UHRF1: variants seen among roughly 807,000 people sequenced by gnomAD.
UHRF1 encodes ubiquitin like with PHD and ring finger domains 1, also known as E3 ubiquitin-protein ligase UHRF1.
A neutral mutation model predicts 96.5 loss-of-function variants in UHRF1; 9 were observed. The observed-to-expected ratio is 0.09, with a 90% confidence interval of 0.06 to 0.16. The LOEUF is 0.16. UHRF1 is among the 10% of genes least tolerant of loss of function. The pLI is 1.00. For missense variants in UHRF1, 626 were observed against 1,131.1 expected, an observed-to-expected ratio of 0.55 and a Z score of 6.40; for synonymous variants, 455 against 469.9, an observed-to-expected ratio of 0.97 and a Z score of 0.41.
intron 16 of UHRF1, among the ~76,000 whole-genome samples, chr19:4,958,710 G>A (rs2033918232): frequency 6.6e-6 from 1 of 152,136 alleles, no homozygotes; most frequent in African/African-American, 2.4e-5. Context: ...GGTGGCTAAT[G>A]CCTGTAATCC....
At chr19:4,909,222 G>A (rs76049466), upstream of UHRF1, 1,762 of 494,618 alleles carry the variant, frequency 3.6e-3, 25 homozygotes, top group African/African-American at 0.031. Context: ...TCTGTACCCT[G>A]GGGGTCCCCA....
At chr19:4,942,638 G>A (rs1336661038) in intron 7 of UHRF1, among the ~76,000 whole-genome samples, 1 of 151,980 alleles carries the variant, frequency 6.6e-6, no homozygotes, top group African/African-American at 2.4e-5. Context: ...TAGTAGAGAC[G>A]GGGTTTCACC....
chr19:4,925,985 C>T (rs1321247289), intron 2 of UHRF1, among the ~76,000 whole-genome samples: 2 of 151,870 alleles, frequency 1.3e-5, no homozygotes, highest in Non-Finnish European at 2.9e-5. Flanking sequence ...GCAACTTCTA[C>T]CTCCCAGGTT....
At position 4,932,459 on chromosome 19, in the gene UHRF1, G is replaced by C. The variant is rs1355209234; in HGVS notation, c.570-282G>C. 2.0e-5 allele frequency among the ~76,000 whole-genome samples: 3 copies of C among 152,320 alleles called. No individual in the cohort carries two copies. The East Asian group carries it at 5.8e-4, about 29-fold the overall frequency. On this transcript the variant is annotated intron_variant, in intron 4 of 16. Transcript: ENST00000650932. ...TCTTAATATGATTTCATCTGCAAAG[G>C]TTCTATCTACAAAGACCCTGTTTCC... is the stretch of plus-strand genomic sequence containing the variant.
At chr19:4,915,078 T>A (rs1265448970) in intron 2 of UHRF1, among the ~76,000 whole-genome samples, 1 of 152,196 alleles carries the variant, frequency 6.6e-6, no homozygotes, top group East Asian at 1.9e-4. Context: ...ACCACAAATA[T>A]TCCCAGAGAC....
At position 4,911,042 on chromosome 19, in the gene UHRF1, C is replaced by T. The variant is rs2032249496; in HGVS notation, c.153+4C>T. 6.3e-7 allele frequency: 1 copy of T among 1,577,442 alleles called. No homozygotes were observed. The highest frequency in any genetic ancestry group is 8.6e-7 in the Non-Finnish European group (1 of 1,158,306). On this transcript the variant is annotated splice_donor_region_variant and intron_variant, in intron 2 of 16. Transcript: ENST00000650932. Reference sequence around the variant, plus strand: ...GCTGTTCTACAGGGGCAAACAGGTACACCCGCCGCCAGCACCTTTGTTCTA... The same window carrying T: ...GCTGTTCTACAGGGGCAAACAGGTATACCCGCCGCCAGCACCTTTGTTCTA...
At position 4,954,261 on chromosome 19, in the gene UHRF1, C is replaced by T; in HGVS notation, c.1819-89C>T. The T allele has an allele frequency of 6.5e-7, 1 of 1,543,390 alleles. No homozygotes were observed. The highest frequency in any genetic ancestry group is 8.8e-7 in the Non-Finnish European group (1 of 1,141,632). On this transcript the variant is annotated intron_variant, in intron 13 of 16. Coordinates refer to ENST00000650932, the MANE Select transcript of UHRF1 (RefSeq NM_001048201.3). This position sits in a 1 kb window ranked among gnomAD's most constrained non-coding sequence, Gnocchi z 5.9. ...TTGGGGGTCAGGTGTGTCTGGAAAC[C>T]CAGACCTGGCAAGGAGGCTGGAAGA...
upstream of UHRF1, among the ~76,000 whole-genome samples, chr19:4,908,001 C>A (rs182940852): frequency 6.6e-6 from 1 of 152,106 alleles, no homozygotes; most frequent in East Asian, 1.9e-4. Flanking sequence ...TGTGAGCCAA[C>A]GCGCCCGGCC....
chr19:4,947,660 C>G (rs1262831368), intron 11 of UHRF1, among the ~76,000 whole-genome samples: 1 of 151,848 alleles, frequency 6.6e-6, no homozygotes, highest in Non-Finnish European at 1.5e-5. Flanking sequence ...GCCACCTCGC[C>G]TGGCTAATTT....
chr19:4,956,453 T>C (rs1032859766), intron 15 of UHRF1, among the ~76,000 whole-genome samples: 2 of 152,234 alleles, frequency 1.3e-5, no homozygotes, highest in African/African-American at 2.4e-5. Context: ...CCCAGCATCA[T>C]TGAGGCTGGC....
intron 16 of UHRF1, among the ~76,000 whole-genome samples, chr19:4,959,024 C>A (rs1485771105): frequency 6.6e-6 from 1 of 151,156 alleles, no homozygotes; most frequent in African/African-American, 2.4e-5. Context: ...GTCGCCCAGG[C>A]TGGAGTGCAG....
At chr19:4,938,668 C>T (rs547666066) in intron 5 of UHRF1, among the ~76,000 whole-genome samples, 3 of 145,432 alleles carry the variant, frequency 2.1e-5, no homozygotes, top group Non-Finnish European at 3.0e-5. Flanking sequence ...CTCGGCCTCT[C>T]AAAGTGCTGG....
chr19:4,936,579 G>T (rs934270263), intron 5 of UHRF1, among the ~76,000 whole-genome samples: 4 of 152,142 alleles, frequency 2.6e-5, no homozygotes, highest in Non-Finnish European at 4.4e-5. Context: ...TCTGCAGTGT[G>T]GGGGGTCAAT....
chr19:4,915,665 C>G (rs1219676141), intron 2 of UHRF1, among the ~76,000 whole-genome samples: 2 of 152,054 alleles, frequency 1.3e-5, no homozygotes, highest in South Asian at 2.1e-4. Context: ...AGCTGAGATC[C>G]CACCACTGCA....
intron 16 of UHRF1, among the ~76,000 whole-genome samples, chr19:4,960,275 T>A (rs770496513): frequency 1.3e-5 from 2 of 152,158 alleles, no homozygotes; most frequent in African/African-American, 2.4e-5. Context: ...TAATAATATA[T>A]AACACGGCTC....
chr19:4,936,981 A>G (rs532768782), intron 5 of UHRF1, among the ~76,000 whole-genome samples: 2 of 152,206 alleles, frequency 1.3e-5, no homozygotes, highest in African/African-American at 4.8e-5. Flanking sequence ...TACCCCTTTT[A>G]TAGCCAAACC....
At chr19:4,942,525 T>A (rs1385973366) in intron 7 of UHRF1, among the ~76,000 whole-genome samples, 2 of 152,036 alleles carry the variant, frequency 1.3e-5, no homozygotes, top group Non-Finnish European at 2.9e-5. Flanking sequence ...CTTGGCTCAC[T>A]GCAACCTCTG....
intron 13 of UHRF1, among the ~76,000 whole-genome samples, chr19:4,952,603 G>A (rs1015929167): frequency 1.3e-5 from 2 of 151,366 alleles, no homozygotes; most frequent in Non-Finnish European, 1.5e-5. Flanking sequence ...ATGTTGGCCA[G>A]GCTGGTGACC....
At chr19:4,907,714 T>G (rs1474637756), upstream of UHRF1, among the ~76,000 whole-genome samples, 1 of 144,360 alleles carries the variant, frequency 6.9e-6, no homozygotes, top group African/African-American at 2.6e-5. Context: ...CTTTTTTTTT[T>G]TTTTTTTTTT....
Sources: allele counts gnomAD v4.1 joint callset (sites outside exome capture counted in the v4.1 genomes callset), GRCh38; gene constraint gnomAD v4.1.1; non-coding constraint Gnocchi (gnomAD v3.1); transcripts MANE v1.5; gene names NCBI Gene and HGNC (gene_info 2026-07-23, HGNC 2026-07-21).